Variants in ERCC2 observed in about 807,000 individuals in gnomAD.
The protein encoded by ERCC2 is ERCC excision repair 2, TFIIH core complex helicase subunit, also known as general transcription and DNA repair factor IIH helicase subunit XPD.
ERCC2 carries 90 observed loss-of-function variants against 99.4 expected under a neutral mutation model. The observed-to-expected ratio is 0.91, with a 90% CI of 0.76 to 1.08. The LOEUF is 1.08. Among genes scored for constraint, ERCC2 ranks in the 50% least tolerant of loss-of-function variants. The pLI, the probability that ERCC2 is intolerant of heterozygous loss-of-function variation, is 0.00. For synonymous variants in ERCC2, 497 were observed against 432.4 expected, an observed-to-expected ratio of 1.15 and a Z score of -1.85; for missense variants, 993 against 1,038.1, an observed-to-expected ratio of 0.96 and a Z score of 0.60.
intron 12 of ERCC2, chr19:45,358,070 G>A: frequency 2.7e-6 from 1 of 371,512 alleles, no homozygotes; most frequent in Non-Finnish European, 5.2e-6. Flanking sequence ...TTTTGAGATG[G>A]AGCCTCGCGC....
chr19:45,361,422 CCA>C (rs2123273572), intron 12 of ERCC2, 100 bp downstream of exon 12: 1 of 867,790 alleles, frequency 1.2e-6, no homozygotes, highest in Admixed American at 1.7e-5. Flanking sequence ...AAGCCAAACC[CCA>C]CAAAGCCCTG....
intron 17 of ERCC2, 113 bp from the exon 18 acceptor site, chr19:45,353,447 T>G: frequency 1.4e-6 from 1 of 740,222 alleles, no homozygotes. Context: ...AGCTGGCTCA[T>G]CTGAGATGTG....
chr19:45,368,816 G>C, intron 4 of ERCC2, 73 bp from the exon 5 acceptor site: 1 of 1,555,788 alleles, frequency 6.4e-7, no homozygotes, highest in Non-Finnish European at 8.9e-7. Context: ...CCAGGTCCCA[G>C]TCTCTTCCCC....
intron 19 of ERCC2, 31 bp downstream of exon 19, chr19:45,353,052 C>T: frequency 6.2e-7 from 1 of 1,603,844 alleles, no homozygotes; most frequent in Non-Finnish European, 8.5e-7. Flanking sequence ...TCTGGGAAGA[C>T]ACCTGGGGAG....
At chr19:45,354,292 G>T (rs1971936447) in intron 17 of ERCC2, among the ~76,000 whole-genome samples, 1 of 152,210 alleles carries the variant, frequency 6.6e-6, no homozygotes, top group South Asian at 2.1e-4. Flanking sequence ...CCCTGAAGGG[G>T]CTCCTGCAGA....
chr19:45,368,559 G>C (rs1268519913), intron 5 of ERCC2, 71 bp downstream of exon 5: 3 of 1,000,270 alleles, frequency 3.0e-6, no homozygotes, highest in African/African-American at 3.2e-5. Flanking sequence ...TGGGGATCCA[G>C]GACTTGTGGT....
Position 45,352,758 on chromosome 19 carries a change from GCT to G in ERCC2, c.1888_1889del (p.Ser630ProfsTer18), listed in dbSNP as rs749200615. On this transcript the variant is annotated frameshift_variant, in exon 20 of 23. Coordinates refer to ENST00000391945, the MANE Select transcript of ERCC2 (RefSeq NM_000400.4). LOFTEE classifies it high-confidence loss of function. ...MFGVPYVYTQ[S>X]RILKARLEYL... ...CAGAGCTACTCACCTTGAGAATGCG[GCT>G]CTGTGTGTAGACGTAGGGGACGCCA... is the stretch of plus-strand genomic sequence containing the variant. The G allele has an allele frequency of 2.5e-6, 4 of 1,613,872 alleles. No individual in the cohort carries two copies. The Admixed American group carries it at 5.0e-5, about 20-fold the overall frequency.
intron 10 of ERCC2, 21 bp from the exon 11 acceptor site, chr19:45,363,932 C>T (rs1440372288): frequency 5.9e-6 from 9 of 1,534,710 alleles, no homozygotes; most frequent in Admixed American, 2.0e-5. Context: ...ACGCTATCAG[C>T]GGCGACGGGG....
In ERCC2 at chr19:45,365,165, G is replaced by C. The variant is rs1302469987; in HGVS notation, c.361-7C>G. The C allele has an allele frequency of 6.2e-7, 1 of 1,610,552 alleles. No homozygotes were observed. The highest frequency in any genetic ancestry group is 8.5e-7 in the Non-Finnish European group (1 of 1,176,856). ...CAAAGCGCAGGGGTGTCACCTGGGG[G>C]TGTGGGGCATCTTAGCACCCAGACA... On this transcript the variant is annotated splice_polypyrimidine_tract_variant and splice_region_variant and intron_variant, in intron 5 of 22. Coordinates refer to ENST00000391945, the MANE Select transcript of ERCC2 (RefSeq NM_000400.4).
intron 11 of ERCC2, 72 bp downstream of exon 11, chr19:45,363,671 G>T: frequency 6.8e-7 from 1 of 1,459,994 alleles, no homozygotes; most frequent in Non-Finnish European, 9.1e-7. Flanking sequence ...TGGGGCTACA[G>T]GCGTGGAGGA....
At chr19:45,365,636 C>T (rs993842778) in intron 5 of ERCC2, among the ~76,000 whole-genome samples, 3 of 150,378 alleles carry the variant, frequency 2.0e-5, no homozygotes, top group African/African-American at 7.3e-5. Flanking sequence ...AATAAAAATA[C>T]AAAAATGAGC....
chr19:45,361,467 G>A lies in ERCC2; in HGVS notation c.1237+57C>T, dbSNP rs55992730. The stretch of plus-strand genomic sequence containing the variant: ...TGCCAACAACCCTCTAGACCCTGCT[G>A]GGACCCTGATTCCAGCTGCTAGGAG... On this transcript the variant is annotated intron_variant, in intron 12 of 22. Transcript: ENST00000391945. 3 of 1,272,710 alleles carry A rather than the reference G, an allele frequency of 2.4e-6. No homozygotes were observed. In the African/African-American group the frequency reaches 4.4e-5, roughly 19 times the overall value. 78.8% of individuals were successfully genotyped at this position (1,272,710 alleles called of 1,614,324 possible). A position where few individuals can be genotyped will look rare whatever the true frequency, so the allele number is the denominator to read the frequency against.
rs1972551709 is a variant in ERCC2, at chr19:45,370,032, A to T, written c.105+101T>A. 2.4e-5 allele frequency: 25 copies of T among 1,060,616 alleles called. No homozygotes were observed. In the Admixed American group the frequency reaches 4.8e-4, roughly 20 times the overall value. The allele number at this position is 1,060,616 out of a possible 1,614,324, so 65.7% of individuals were successfully genotyped here. A position where few individuals can be genotyped will look rare whatever the true frequency, so the allele number is the denominator to read the frequency against. ...ATTATGGGGTCCTGGATTCCCAGGG[A>T]CCTCGGACTTCTAAAATCCAGACGT... On this transcript the variant is annotated intron_variant, in intron 2 of 22. Transcript: ENST00000391945.
chr19:45,361,375 G>A lies in ERCC2; in HGVS notation c.1237+149C>T, dbSNP rs893728240. Reference sequence around the variant, plus strand: ...CAAGGCTTACTCAAGAACTATGTATGGCTCCCCACTGCCTTCAAAATAGGG... The same window carrying A: ...CAAGGCTTACTCAAGAACTATGTATAGCTCCCCACTGCCTTCAAAATAGGG... On this transcript the variant is annotated intron_variant, in intron 12 of 22. Coordinates refer to ENST00000391945, the MANE Select transcript of ERCC2 (RefSeq NM_000400.4). The A allele has an allele frequency of 4.6e-5, 33 of 721,062 alleles. No individual in the cohort carries two copies. In the African/African-American group the frequency reaches 5.6e-4, roughly 12 times the overall value. 44.7% of individuals were successfully genotyped at this position (721,062 alleles called of 1,614,324 possible). A position where few individuals can be genotyped will look rare whatever the true frequency, so the allele number is the denominator to read the frequency against.
Position 45,350,802 on chromosome 19 carries a change from ACCCC to A in ERCC2, c.*823_*826del. 2.4e-6 allele frequency: 2 copies of A among 821,426 alleles called. No homozygotes were observed. Among genetic ancestry groups the A allele is most frequent in the Non-Finnish European group, 3.7e-6 (2 of 546,214 alleles). The allele number at this position is 821,426 out of a possible 1,614,324, so 50.9% of individuals were successfully genotyped here. A position where few individuals can be genotyped will look rare whatever the true frequency, so the allele number is the denominator to read the frequency against. On this transcript the variant is annotated 3_prime_UTR_variant, in exon 23 of 23. Transcript: ENST00000391945. The stretch of plus-strand genomic sequence containing the variant: ...CTGACATCAGCAGAATCCACAGCCC[ACCCC>A]ACCCCCACCCCCATCTTGCTCAAGA...
rs1972222251 is a variant in ERCC2 at position 45,361,597 on chromosome 19, G to A, written c.1164C>T (p.Ile388=). The stretch of plus-strand genomic sequence containing the variant: ...GCGGGGAGAAGTCAGCAAGGTCGGT[G>A]ATCTCCAGAGTATGCAGCAGGGACC... ...RLRSLLHTLE[I]TDLADFSPLT... is the part of the protein sequence containing the mutation. Residue 388 remains isoleucine, a synonymous_variant, in exon 12 of 23, where the codon ATC becomes ATT. Transcript: ENST00000391945. The A allele has an allele frequency of 2.5e-6, 4 of 1,613,912 alleles. No homozygotes were observed. The highest frequency in any genetic ancestry group is 2.2e-5 in the East Asian group (1 of 44,882).
At chr19:45,357,397 T>G (rs1387178920) in intron 14 of ERCC2, 26 bp from the exon 15 acceptor site, 1 of 1,610,288 alleles carries the variant, frequency 6.2e-7, no homozygotes, top group African/African-American at 1.3e-5. Flanking sequence ...GGGAGGGATC[T>G]CAGCAGGACT....
At chr19:45,353,644 T>C (rs1002081703) in intron 17 of ERCC2, among the ~76,000 whole-genome samples, 2 of 152,190 alleles carry the variant, frequency 1.3e-5, no homozygotes, top group Non-Finnish European at 2.9e-5. Flanking sequence ...AATCAGAGGC[T>C]GCCCTGAGAC....
At position 45,351,228 on chromosome 19, in the gene ERCC2, G is replaced by C; in HGVS notation, c.*401C>G. 1 of 1,591,232 alleles carries C rather than the reference G, an allele frequency of 6.3e-7. No individual in the cohort carries two copies. The highest frequency in any genetic ancestry group is 1.4e-5 in the African/African-American group (1 of 73,906). ...GCCAGGCTGGACCTGGAGCTGGAGG[G>C]TGGATGTAACACTTGCCCCTCACCT... On this transcript the variant is annotated 3_prime_UTR_variant, in exon 23 of 23. Transcript: ENST00000391945.
Sources: gnomAD v4.1 joint callset for allele counts (sites outside exome capture counted in the v4.1 genomes callset) on GRCh38, gnomAD v4.1.1 for gene constraint, MANE v1.5 for transcripts, NCBI Gene and HGNC (gene_info 2026-07-23, HGNC 2026-07-21) for gene names.